The following LDB2 variants were observed in gnomAD, a reference collection of about 807,000 sequenced individuals.
LDB2 encodes LIM domain binding 2, also known as LIM domain-binding protein 2.
Under a neutral mutation model 44.3 loss-of-function variants are expected in LDB2, and 12 were observed. That is an observed-to-expected ratio of 0.27 (90% CI 0.17 to 0.44). The LOEUF is 0.44. LDB2 is among the 20% of genes least tolerant of loss of function. The probability of loss-of-function intolerance (pLI) is 1.00; values close to 1 mark genes in which losing one functional copy is unlikely to be tolerated. For missense variants in LDB2, 344 were observed against 473.5 expected (o/e 0.73, Z 2.54); for synonymous variants, 164 against 174.8 (o/e 0.94, Z 0.49).
intron 7 of LDB2, chr4:16,506,926 CT>C (rs1332244282): frequency 6.6e-6 from 1 of 152,178 alleles, no homozygotes; most frequent in Admixed American, 6.5e-5. Context: ...CTAGAGGAAA[CT>C]AACGAATGTT....
At chr4:16,667,004 G>A (rs10516305) in intron 2 of LDB2, among the ~76,000 whole-genome samples, 7,515 of 152,256 alleles carry the variant, frequency 0.049, 339 homozygotes, top group African/African-American at 0.12. Context: ...CCTGAACACT[G>A]TGTCTATCTG....
intron 2 of LDB2, among the ~76,000 whole-genome samples, chr4:16,738,215 A>G (rs958743449): frequency 1.3e-5 from 2 of 152,232 alleles, no homozygotes; most frequent in African/African-American, 2.4e-5. Context: ...CGTCTCAAGT[A>G]GGATTTCAGT....
rs143813523 is a variant in LDB2 at position 16,508,985 on chromosome 4, C to G, written c.740-299G>C. On this transcript the variant is annotated intron_variant, in intron 6 of 7. Transcript: ENST00000304523. ...TTTTTAGGTATGTAACTACAAGTAC[C>G]ACTTTCATAATTGGATTTAAAATAT... Among the ~76,000 whole-genome samples, 18 of 152,002 alleles carry G rather than the reference C, an allele frequency of 1.2e-4. No homozygotes were observed. The East Asian group carries it at 3.5e-3, about 29-fold the overall frequency.
chr4:16,821,610 CA>C (rs1255126157), intron 1 of LDB2, among the ~76,000 whole-genome samples: 1 of 150,788 alleles, frequency 6.6e-6, no homozygotes, highest in African/African-American at 2.4e-5. Context: ...AGGATGGTCT[CA>C]ATCTCCTAAT....
intron 2 of LDB2, among the ~76,000 whole-genome samples, chr4:16,754,221 G>C (rs936223995): frequency 1.3e-5 from 2 of 152,122 alleles, no homozygotes; most frequent in Non-Finnish European, 1.5e-5. Flanking sequence ...AGCGAGAGTG[G>C]GTTTCTGCAC....
intron 1 of LDB2, among the ~76,000 whole-genome samples, chr4:16,888,500 A>C (rs978257899): frequency 6.6e-6 from 1 of 152,208 alleles, no homozygotes; most frequent in Non-Finnish European, 1.5e-5. Flanking sequence ...CATCCCTGCC[A>C]TATAACAGTG....
chr4:16,613,260 T>G (rs1490486826), intron 2 of LDB2, among the ~76,000 whole-genome samples: 1 of 152,240 alleles, frequency 6.6e-6, no homozygotes, highest in African/African-American at 2.4e-5. Flanking sequence ...AATATCATAT[T>G]GAATGGCAAA....
rs576987316 is a variant in LDB2 at position 16,726,047 on chromosome 4, TTAAA to T, written c.235+33107_235+33110del. ...ACCACTGAATTGTTTAACGTTTTCT[TTAAA>T]TATACATTTCATATAAAATTTTTAT... is the stretch of plus-strand genomic sequence containing the variant. On this transcript the variant is annotated intron_variant, in intron 2 of 7. Transcript: ENST00000304523. Among the ~76,000 whole-genome samples, 23 of 151,268 alleles carry T rather than the reference TTAAA, an allele frequency of 1.5e-4. No homozygotes were observed. In the South Asian group the frequency reaches 2.7e-3, roughly 18 times the overall value.
chr4:16,854,065 T>C (rs1273458654), intron 1 of LDB2, among the ~76,000 whole-genome samples: 2 of 152,072 alleles, frequency 1.3e-5, no homozygotes, highest in African/African-American at 2.4e-5. Flanking sequence ...AGATTAAATG[T>C]TTGTACATGA....
At chr4:16,897,895 A>T (rs1426668217) in intron 1 of LDB2, among the ~76,000 whole-genome samples, 3 of 78,160 alleles carry the variant, frequency 3.8e-5, no homozygotes, top group East Asian at 4.1e-4. Context: ...TAAAAAAGAA[A>T]ATATATATAT....
intron 1 of LDB2, among the ~76,000 whole-genome samples, chr4:16,774,895 T>C (rs572363316): frequency 6.6e-6 from 1 of 152,330 alleles, no homozygotes; most frequent in South Asian, 2.1e-4. Flanking sequence ...ACTCCAAATG[T>C]CTATCAACTA....
chr4:16,761,359 G>A (rs935676904), intron 1 of LDB2, among the ~76,000 whole-genome samples: 1 of 152,226 alleles, frequency 6.6e-6, no homozygotes, highest in African/African-American at 2.4e-5. Flanking sequence ...GATTCAGCAA[G>A]AGGGGAGAAA....
chr4:16,872,225 T>A (rs1024631252), intron 1 of LDB2, among the ~76,000 whole-genome samples: 2 of 152,106 alleles, frequency 1.3e-5, no homozygotes, highest in Non-Finnish European at 2.9e-5. Flanking sequence ...CAGGGACATC[T>A]TCTTTGACCA....
intron 5 of LDB2, among the ~76,000 whole-genome samples, chr4:16,559,091 T>C (rs1307491300): frequency 6.6e-6 from 1 of 152,084 alleles, no homozygotes; most frequent in Admixed American, 6.5e-5. Flanking sequence ...GAACAACCGG[T>C]ACCAGCCACT....
chr4:16,748,500 T>C (rs1764814006), intron 2 of LDB2, among the ~76,000 whole-genome samples: 1 of 152,234 alleles, frequency 6.6e-6, no homozygotes, highest in Non-Finnish European at 1.5e-5. Context: ...ACATTCTTAA[T>C]GAAATCCATC....
intron 2 of LDB2, among the ~76,000 whole-genome samples, chr4:16,704,881 A>G (rs978830408): frequency 2.0e-5 from 3 of 152,190 alleles, no homozygotes; most frequent in Non-Finnish European, 2.9e-5. Flanking sequence ...ATAAAGATGA[A>G]TAAGGTAACA....
chr4:16,888,694 A>T (rs895705399), intron 1 of LDB2: 20 of 983,368 alleles, frequency 2.0e-5, no homozygotes, highest in Non-Finnish European at 2.4e-5. Context: ...TTGCTGATAG[A>T]ATCCAGAATA....
chr4:16,867,631 C>A (rs1715137747), intron 1 of LDB2, among the ~76,000 whole-genome samples: 1 of 152,110 alleles, frequency 6.6e-6, no homozygotes, highest in Admixed American at 6.5e-5. Context: ...GAATCATTAA[C>A]TTGAGATGGT....
chr4:16,732,767 G>C (rs1229288432), intron 2 of LDB2, among the ~76,000 whole-genome samples: 2 of 152,226 alleles, frequency 1.3e-5, no homozygotes, highest in Non-Finnish European at 1.5e-5. Flanking sequence ...TAGGGACCAA[G>C]AAGAGGGAAA....
Sources: gnomAD v4.1 joint callset for allele counts (sites outside exome capture counted in the v4.1 genomes callset) on GRCh38, gnomAD v4.1.1 for gene constraint, MANE v1.5 for transcripts, NCBI Gene and HGNC (gene_info 2026-07-23, HGNC 2026-07-21) for gene names.